Variants in GSE1 observed in about 807,000 individuals in gnomAD.
The protein encoded by GSE1 is genetic suppressor element 1.
Under a neutral mutation model 112.6 loss-of-function variants are expected in GSE1, and 32 were observed. The observed-to-expected ratio is 0.28, with a 90% confidence interval of 0.21 to 0.38. The LOEUF (loss-of-function observed/expected upper bound fraction) is 0.38. Among genes scored for constraint, GSE1 ranks in the 10% least tolerant of loss-of-function variants. The pLI is 1.00. For missense variants in GSE1, 2,348 were observed against 1,699.2 expected (o/e 1.38, Z -6.71); for synonymous variants, 1,115 against 735.6 (o/e 1.52, Z -8.35).
At chr16:85,189,381 T>C (rs779640222) in intron 1 of GSE1, among the ~76,000 whole-genome samples, 1 of 152,210 alleles carries the variant, frequency 6.6e-6, no homozygotes, top group Non-Finnish European at 1.5e-5. Flanking sequence ...TGACCCTCTA[T>C]TGTTTTTCTT....
intron 2 of GSE1, among the ~76,000 whole-genome samples, chr16:85,459,610 C>A (rs73263156): frequency 0.022 from 3,425 of 152,234 alleles, 125 homozygotes; most frequent in African/African-American, 0.079. Flanking sequence ...TGCCTATGTG[C>A]TTAGTGTGGA....
At chr16:85,451,943 A>G (rs1213734363) in intron 2 of GSE1, among the ~76,000 whole-genome samples, 1 of 152,178 alleles carries the variant, frequency 6.6e-6, no homozygotes, top group Non-Finnish European at 1.5e-5. Context: ...AGGCCACCCA[A>G]GAGGCCCGTC....
intron 2 of GSE1, among the ~76,000 whole-genome samples, chr16:85,492,530 A>C (rs1458551269): frequency 6.6e-6 from 1 of 152,206 alleles, no homozygotes; most frequent in Non-Finnish European, 1.5e-5. Flanking sequence ...TATCCACAAG[A>C]GTTCAATGAG....
At chr16:85,205,150 GAC>G (rs2143593729) in intron 1 of GSE1, among the ~76,000 whole-genome samples, 2 of 151,882 alleles carry the variant, frequency 1.3e-5, no homozygotes, top group South Asian at 4.2e-4. Flanking sequence ...ATTTTTTTGA[GAC>G]AGAGTCTCGC....
chr16:85,664,195 T>A (rs1362670719), intron 11 of GSE1, among the ~76,000 whole-genome samples: 1 of 152,242 alleles, frequency 6.6e-6, no homozygotes, highest in Non-Finnish European at 1.5e-5. Context: ...GGTTTTGGCT[T>A]CCTTGGCCTG....
rs1445088582 is a variant in GSE1 at position 85,666,240 on chromosome 16, C to G, written c.3023C>G (p.Thr1008Ser). 6.2e-7 allele frequency: 1 copy of G among 1,613,812 alleles called. No homozygotes were observed. Among genetic ancestry groups the G allele is most frequent in the Non-Finnish European group, 8.5e-7 (1 of 1,180,030 alleles). The change falls in exon 13 of 16, where the codon ACC (threonine) becomes AGC (serine). Residue 1008 changes from threonine to serine, a missense_variant. Transcript: ENST00000253458. ...ATTCCTGTGCCGCTGTCCCACAGCA[C>G]CAATGGGAAGAGCAAGCCGTGGGAG... ...KDIPVPLSHS[T>S]NGKSKPWEPF...
At chr16:85,549,038 C>T (rs901073209) in intron 2 of GSE1, among the ~76,000 whole-genome samples, 11 of 152,186 alleles carry the variant, frequency 7.2e-5, no homozygotes, top group African/African-American at 2.2e-4. Context: ...CCGCCCGCCT[C>T]GGCCTCCCAA....
chr16:85,331,395 G>GTATATATATGTA (rs1597407855), intron 1 of GSE1, among the ~76,000 whole-genome samples: 2 of 62,170 alleles, frequency 3.2e-5, no homozygotes, highest in African/African-American at 4.9e-5. Context: ...ATATATATGT[G>GTATATATATGTA]TATATATGTA....
chr16:85,663,062 A>C lies in GSE1; in HGVS notation c.2342A>C (p.Gln781Pro). 6.2e-7 allele frequency: 1 copy of C among 1,612,438 alleles called. No homozygotes were observed. The highest frequency in any genetic ancestry group is 8.5e-7 in the Non-Finnish European group (1 of 1,179,284). ...VRAHLRCVAE[Q>P]PPLKLDTSSE... ...GCCCACCTCCGTTGCGTGGCCGAGCAGCCGCCCCTCAAACTGGACACGTCC... is the reference window on the plus strand; with the variant it reads ...GCCCACCTCCGTTGCGTGGCCGAGCCGCCGCCCCTCAAACTGGACACGTCC... The change falls in exon 10 of 16, where the codon CAG (glutamine) becomes CCG (proline). Residue 781 changes from glutamine (Q) to proline (P), a missense_variant. Transcript: ENST00000253458.
At chr16:85,650,985 C>T (rs1295779848) in intron 3 of GSE1, among the ~76,000 whole-genome samples, 1 of 151,250 alleles carries the variant, frequency 6.6e-6, no homozygotes, top group East Asian at 2.0e-4. Context: ...GCCTGTCTGA[C>T]TATGGAACCC....
At chr16:85,322,302 G>C (rs1004590539) in intron 1 of GSE1, among the ~76,000 whole-genome samples, 1 of 152,138 alleles carries the variant, frequency 6.6e-6, no homozygotes, top group African/African-American at 2.4e-5. Context: ...CCGGGCGGGC[G>C]GGGGGGAAGG....
At chr16:85,664,003 T>A (rs2052638716) in intron 11 of GSE1, among the ~76,000 whole-genome samples, 1 of 152,242 alleles carries the variant, frequency 6.6e-6, no homozygotes, top group South Asian at 2.1e-4. Flanking sequence ...TGCTGGGTGT[T>A]GTGTCCTGGT....
rs143157327 is a variant in GSE1, at chr16:85,200,952, C to G, written c.2283+29145C>G. On this transcript the variant is annotated intron_variant, in intron 1 of 2. Coordinates refer to the GSE1 transcript ENST00000637419. ...TGAGTCTGAACAGGCCAGAGACGAA[C>G]TGACCCTGGTGGCAGGCTCCAAGCC... Among the ~76,000 whole-genome samples, 1,263 of 152,284 alleles carry G rather than the reference C, an allele frequency of 8.3e-3. 10 individuals carry two copies. The highest frequency in any genetic ancestry group is 0.014 in the Non-Finnish European group (969 of 68,012).
chr16:85,557,888 T>A (rs749031378), intron 1 of GSE1, among the ~76,000 whole-genome samples: 1 of 152,148 alleles, frequency 6.6e-6, no homozygotes, highest in Admixed American at 6.5e-5. Flanking sequence ...AGGTCTATGT[T>A]TTTTTCTTGG....
intron 1 of GSE1, among the ~76,000 whole-genome samples, chr16:85,562,464 C>T (rs1006885407): frequency 3.3e-5 from 5 of 151,928 alleles, no homozygotes; most frequent in African/African-American, 1.2e-4. Flanking sequence ...AAACTCTCTT[C>T]TTATCTCCTT....
At chr16:85,668,486 G>A (rs996353445) in intron 14 of GSE1, 62 bp downstream of exon 14, 2 of 1,165,490 alleles carry the variant, frequency 1.7e-6, no homozygotes, top group Admixed American at 3.7e-5. Flanking sequence ...AAAGGAAGCT[G>A]AGTGATGAGT....
At chr16:85,170,040 C>G in exon 1 of GSE1, 1 of 984,754 alleles carries the variant, frequency 1.0e-6, no homozygotes, top group Non-Finnish European at 1.2e-6. Flanking sequence ...GAGACTCCGA[C>G]CTGTCGGAGC....
At chr16:85,633,016 C>CGCCGCT (rs1000477527) in intron 1 of GSE1, among the ~76,000 whole-genome samples, 4 of 150,610 alleles carry the variant, frequency 2.7e-5, no homozygotes, top group African/African-American at 7.4e-5. Flanking sequence ...CCTCTGGTGC[C>CGCCGCT]GCCGCCGCCG....
Position 85,661,734 on chromosome 16 carries a change from G to A in GSE1, c.2229G>A (p.Glu743=), listed in dbSNP as rs2052450313. The change falls in exon 9 of 16, where the codon GAG becomes GAA. Residue 743 remains glutamate, a synonymous_variant. Transcript: ENST00000253458. The part of the protein sequence containing the change: ...RRRLVSKLDL[E]ERRRREAQEK... Reference sequence around the variant, plus strand: ...GGCTGGTCAGCAAGCTGGACCTGGAGGAGCGCAGGCGGCGGGAGGCCCAGG... The same window carrying A: ...GGCTGGTCAGCAAGCTGGACCTGGAAGAGCGCAGGCGGCGGGAGGCCCAGG... The A allele has an allele frequency of 1.9e-6, 3 of 1,571,920 alleles. No individual in the cohort carries two copies. The highest frequency in any genetic ancestry group is 2.0e-4 in the Middle Eastern group (1 of 5,050).
Sources: gnomAD v4.1 joint callset for allele counts (sites outside exome capture counted in the v4.1 genomes callset) on GRCh38, gnomAD v4.1.1 for gene constraint, MANE v1.5 for transcripts, NCBI Gene and HGNC (gene_info 2026-07-23, HGNC 2026-07-21) for gene names.